Variants in IQSEC1 observed in about 807,000 individuals in gnomAD.
IQSEC1 encodes IQ motif and SEC7 domain-containing protein 1.
In IQSEC1, 31 loss-of-function variants were observed where a neutral mutation model predicts 91.0. That is an observed-to-expected ratio of 0.34 (90% CI 0.26 to 0.46). The LOEUF (loss-of-function observed/expected upper bound fraction) is 0.46, where lower values mean the gene tolerates loss of function less well. IQSEC1 is among the 20% of genes least tolerant of loss of function. The pLI, the probability that IQSEC1 is intolerant of heterozygous loss-of-function variation, is 1.00. For missense variants in IQSEC1, 1,388 were observed against 1,575.6 expected (o/e 0.88, Z 2.02); for synonymous variants, 699 against 662.6 (o/e 1.05, Z -0.84).
chr3:13,178,106 A>C (rs1320725911), intron 1 of IQSEC1, among the ~76,000 whole-genome samples: 2 of 152,222 alleles, frequency 1.3e-5, no homozygotes, highest in African/African-American at 4.8e-5. Context: ...GTGAGGAAAC[A>C]CACCAAATAC....
chr3:13,201,752 A>C (rs1338420000), intron 1 of IQSEC1, among the ~76,000 whole-genome samples: 1 of 152,256 alleles, frequency 6.6e-6, no homozygotes, highest in Non-Finnish European at 1.5e-5. Flanking sequence ...ATTCAAGACC[A>C]AAGCTTTGTC....
chr3:13,021,769 T>G (rs779256510), intron 1 of IQSEC1, among the ~76,000 whole-genome samples: 8 of 152,228 alleles, frequency 5.3e-5, no homozygotes, highest in Non-Finnish European at 1.0e-4. Context: ...GCCAGCATGT[T>G]ATGTAACACA....
At chr3:13,203,265 C>A (rs1694279606) in intron 1 of IQSEC1, among the ~76,000 whole-genome samples, 1 of 152,160 alleles carries the variant, frequency 6.6e-6, no homozygotes, top group Non-Finnish European at 1.5e-5. Flanking sequence ...GGCACACAGA[C>A]CACAGGTGCT....
intron 1 of IQSEC1, among the ~76,000 whole-genome samples, chr3:12,996,104 C>A (rs541663075): frequency 6.6e-6 from 1 of 152,002 alleles, no homozygotes; most frequent in African/African-American, 2.4e-5. Context: ...AAGGTTATTG[C>A]GAGCTATCAT....
chr3:12,951,891 G>A (rs1224994321), intron 1 of IQSEC1, among the ~76,000 whole-genome samples: 3 of 152,182 alleles, frequency 2.0e-5, no homozygotes, highest in Admixed American at 2.0e-4. Flanking sequence ...CAGATGTTGA[G>A]TCCCGTGCTC....
intron 2 of IQSEC1, among the ~76,000 whole-genome samples, chr3:13,144,040 G>A (rs1706843481): frequency 6.6e-6 from 1 of 152,192 alleles, no homozygotes; most frequent in South Asian, 2.1e-4. Flanking sequence ...GGATGACACT[G>A]TGAGACTCCA....
chr3:13,263,019 G>A (rs1576314860), intron 1 of IQSEC1, among the ~76,000 whole-genome samples: 1 of 152,272 alleles, frequency 6.6e-6, no homozygotes, highest in South Asian at 2.1e-4. Flanking sequence ...AGGCCAAGGT[G>A]GACAGATCAC....
intron 1 of IQSEC1, among the ~76,000 whole-genome samples, chr3:13,060,575 G>A (rs1254312785): frequency 6.6e-6 from 1 of 152,240 alleles, no homozygotes; most frequent in African/African-American, 2.4e-5. Context: ...CTGGACCTGG[G>A]CTTCCTGCAA....
intron 2 of IQSEC1, among the ~76,000 whole-genome samples, chr3:13,085,064 C>T (rs772713533): frequency 1.3e-5 from 2 of 152,154 alleles, no homozygotes; most frequent in South Asian, 4.1e-4. Flanking sequence ...ATAGGACCCT[C>T]GAACAAAGAG....
At chr3:13,127,050 A>G (rs887088878) in intron 2 of IQSEC1, among the ~76,000 whole-genome samples, 3 of 151,980 alleles carry the variant, frequency 2.0e-5, no homozygotes, top group African/African-American at 7.3e-5. Flanking sequence ...TTGAAAGGTT[A>G]TTTTTCCTCC....
At chr3:12,949,748 C>T (rs1699414130) in intron 1 of IQSEC1, among the ~76,000 whole-genome samples, 1 of 152,070 alleles carries the variant, frequency 6.6e-6, no homozygotes, top group South Asian at 2.1e-4. Flanking sequence ...GGATGGGACA[C>T]AGCCAGGCAG....
At chr3:13,194,928 A>G (rs893753671) in intron 1 of IQSEC1, among the ~76,000 whole-genome samples, 6 of 152,208 alleles carry the variant, frequency 3.9e-5, no homozygotes, top group African/African-American at 1.4e-4. Context: ...ACCCAGACCT[A>G]GCCTGAGGCA....
In IQSEC1 at chr3:12,994,165, G is replaced by C. The variant is rs969904353; in HGVS notation, c.24-52300C>G. 6.8e-6 allele frequency among the ~76,000 whole-genome samples: 1 copy of C among 146,576 alleles called. No individual in the cohort carries two copies. The highest frequency in any genetic ancestry group is 1.5e-5 in the Non-Finnish European group (1 of 65,902). Reference sequence around the variant, plus strand: ...GAGCGTCCGGTGGCCGGGCGCGGGGGGGCGGGGGCGGGCGCTCGGGAGCCG... The same window carrying C: ...GAGCGTCCGGTGGCCGGGCGCGGGGCGGCGGGGGCGGGCGCTCGGGAGCCG... On this transcript the variant is annotated intron_variant, in intron 1 of 13. Transcript: ENST00000613206. This position sits in a 1 kb window ranked among gnomAD's most constrained non-coding sequence, Gnocchi z 4.5.
At chr3:13,030,391 C>T (rs530588499) in intron 1 of IQSEC1, among the ~76,000 whole-genome samples, 36 of 152,358 alleles carry the variant, frequency 2.4e-4, no homozygotes, top group Non-Finnish European at 4.1e-4. Context: ...TGAGCCACCA[C>T]GCTCAGCTTC....
intron 2 of IQSEC1, among the ~76,000 whole-genome samples, chr3:13,129,451 G>A (rs1025633756): frequency 1.1e-4 from 16 of 151,998 alleles, no homozygotes; most frequent in South Asian, 4.2e-4. Flanking sequence ...ATTGATCGTC[G>A]GTATGGTTTT....
rs1184650233 is a variant in IQSEC1 at position 12,924,392 on chromosome 3, C to T, written c.1730+189G>A. On this transcript the variant is annotated intron_variant, in intron 4 of 13. Transcript: ENST00000613206. This position sits in a 1 kb window ranked among gnomAD's most constrained non-coding sequence, Gnocchi z 6.3. ...GATGGTGCATTGGAGGGCAGGTGCCCACCTGCGTGCTGGGCAGATGTGGGG... is the reference window on the plus strand; with the variant it reads ...GATGGTGCATTGGAGGGCAGGTGCCTACCTGCGTGCTGGGCAGATGTGGGG... Among the ~76,000 whole-genome samples the T allele has an allele frequency of 1.3e-5, 2 of 152,126 alleles. No homozygotes were observed.
chr3:12,965,558 G>A (rs777613566), intron 1 of IQSEC1, among the ~76,000 whole-genome samples: 3 of 152,246 alleles, frequency 2.0e-5, no homozygotes, highest in Non-Finnish European at 4.4e-5. Context: ...ACACCTGAGC[G>A]AGGCTTCTCA....
intron 1 of IQSEC1, among the ~76,000 whole-genome samples, chr3:13,044,689 G>A (rs116172663): frequency 0.035 from 5,267 of 149,748 alleles, 307 homozygotes; most frequent in African/African-American, 0.12. Context: ...CTCCTCCCCC[G>A]CCCCCCCACA....
intron 1 of IQSEC1, chr3:13,052,866 G>T: frequency 1.4e-6 from 1 of 691,176 alleles, no homozygotes; most frequent in Non-Finnish European, 2.6e-6. Context: ...AATAAAACAT[G>T]TCCAACTCTC....
Sources: gnomAD v4.1 joint callset for allele counts (sites outside exome capture counted in the v4.1 genomes callset) on GRCh38, gnomAD v4.1.1 for gene constraint, Gnocchi (gnomAD v3.1) non-coding constraint, MANE v1.5 for transcripts, NCBI Gene and HGNC (gene_info 2026-07-23, HGNC 2026-07-21) for gene names.